Variants in NOL6 observed in about 807,000 individuals in gnomAD.
NOL6 encodes nucleolar protein 6, also known as nucleolar RNA-associated protein.
In NOL6, 33 loss-of-function variants were observed where a neutral mutation model predicts 131.7. The ratio of observed to expected loss-of-function variants is 0.25; its 90% CI spans 0.19 to 0.33. The LOEUF (loss-of-function observed/expected upper bound fraction) is 0.33. Ranked by LOEUF, NOL6 falls within the 10% of genes least tolerant of loss-of-function variation. The pLI is 1.00. For synonymous variants in NOL6, 580 were observed against 605.7 expected, an observed-to-expected ratio of 0.96 and a Z score of 0.62; for missense variants, 1,297 against 1,494.5, an observed-to-expected ratio of 0.87 and a Z score of 2.18.
At position 33,468,106 on chromosome 9, in the gene NOL6, T is replaced by G. The variant is rs749715553; in HGVS notation, c.1348A>C (p.Ser450Arg). 7 of 1,614,190 alleles carry G rather than the reference T, an allele frequency of 4.3e-6. No individual in the cohort carries two copies. The Admixed American group carries it at 1.2e-4, about 27-fold the overall frequency. Residue 450 changes from serine (S) to arginine (R), a missense_variant, in exon 11 of 26, where the codon AGC becomes CGC. By Grantham distance (110) the Ser-to-Arg change is moderately radical. Transcript: ENST00000297990. ...EARLSMMLLDSRADDGFHLLL... is the reference protein window; with the variant it reads ...EARLSMMLLDRRADDGFHLLL... ...AGGTGGAACCCGTCGTCAGCTCTGCTGTCCAGCAACATCATAGACAGCCGT... is the reference window on the plus strand; with the variant it reads ...AGGTGGAACCCGTCGTCAGCTCTGCGGTCCAGCAACATCATAGACAGCCGT...
Position 33,467,219 on chromosome 9 carries a change from C to T in NOL6, c.1769G>A (p.Arg590Gln), listed in dbSNP as rs374756474. Residue 590 changes from arginine to glutamine, a missense_variant, in exon 14 of 26, where the codon CGG (arginine) becomes CAG (glutamine). By Grantham distance (43) the Arg-to-Gln change is conservative (BLOSUM62 1). Coordinates refer to ENST00000297990, the MANE Select transcript of NOL6 (RefSeq NM_022917.5). The surrounding 1 kb of genome is among the most constrained non-coding windows in gnomAD (Gnocchi z 4.4). ...CCGAATGGCTCCGTCCTGGAAACGCCGAAGCTCCGAGCGGGATCCCCAGAA... is the reference window on the plus strand; with the variant it reads ...CCGAATGGCTCCGTCCTGGAAACGCTGAAGCTCCGAGCGGGATCCCCAGAA... ...RQFWGSRSEL[R>Q]RFQDGAIREA... 29 of 1,614,022 alleles carry T rather than the reference C, an allele frequency of 1.8e-5. No homozygotes were observed. The highest frequency in any genetic ancestry group is 3.3e-5 in the Admixed American group (2 of 60,000).
rs760650576 is a variant in NOL6 at position 33,464,172 on chromosome 9, G to C, written c.2780-11C>G. ...CCACCTGCTCCTCCACTAGAGACAA[G>C]AATGGGTCCTGGGTCAGCCTGCTCC... On this transcript the variant is annotated splice_polypyrimidine_tract_variant and intron_variant, in intron 21 of 25. Coordinates refer to ENST00000297990, the MANE Select transcript of NOL6 (RefSeq NM_022917.5). 5.1e-5 allele frequency: 81 copies of C among 1,600,504 alleles called. No homozygotes were observed. The highest frequency in any genetic ancestry group is 6.9e-5 in the Non-Finnish European group (81 of 1,173,398).
intron 4 of NOL6, 171 bp downstream of exon 4, chr9:33,469,841 C>G (rs751502576): frequency 7.9e-6 from 8 of 1,015,024 alleles, no homozygotes; most frequent in Non-Finnish European, 9.9e-6. Context: ...TCCAAAAGGA[C>G]AGCAACTGGC....
In NOL6 at chr9:33,466,954, A is replaced by G. The variant is rs78087543; in HGVS notation, c.1908T>C (p.Tyr636=). 8,640 of 1,614,158 alleles carry G rather than the reference A, an allele frequency of 5.4e-3. 117 individuals are homozygous for G. Among genetic ancestry groups the G allele is most frequent in the African/African-American group, 0.043 (3,212 of 75,030 alleles). The change falls in exon 15 of 26, where the codon TAT becomes TAC. Residue 636 remains tyrosine, a synonymous_variant. Transcript: ENST00000297990. ...TAAGTGCATCCAGGGGGCCCCCCAC[A>G]TAGTGGACACAGGTTTCTGGGATGT... The part of the protein sequence containing the change: ...HADIPETCVH[Y]VGGPLDALIQ...
chr9:33,472,865 C>T (rs199748327), intron 1 of NOL6, among the ~76,000 whole-genome samples: 5 of 150,064 alleles, frequency 3.3e-5, no homozygotes, highest in East Asian at 2.0e-4. Context: ...CTCAGCTACG[C>T]GGGAGACTGA....
Position 33,465,928 on chromosome 9 carries a change from T to C in NOL6, c.2365-31A>G, listed in dbSNP as rs112327202. On this transcript the variant is annotated intron_variant, in intron 18 of 25. Coordinates refer to ENST00000297990, the MANE Select transcript of NOL6 (RefSeq NM_022917.5). ...GGAAGAAGGTATGGAAAGAGAAGGA[T>C]GTGTCAGCCCAGAACCCCGGGAGTA... The C allele has an allele frequency of 2.3e-5, 37 of 1,606,384 alleles. No homozygotes were observed. The African/African-American group carries it at 4.4e-4, about 19-fold the overall frequency.
At position 33,465,882 on chromosome 9, in the gene NOL6, G is replaced by C; in HGVS notation, c.2380C>G (p.Arg794Gly). 1 of 1,613,838 alleles carries C rather than the reference G, an allele frequency of 6.2e-7. No individual in the cohort carries two copies. Among genetic ancestry groups the C allele is most frequent in the Non-Finnish European group, 8.5e-7 (1 of 1,179,802 alleles). The stretch of plus-strand genomic sequence containing the variant: ...TCCCGCTGATAGGCCACGCGAATCC[G>C]AAACACAAATCCATCCTGTTGGAAG... ...TDVLKDGFVF[R>G]IRVAYQREPQ... Residue 794 changes from arginine (R) to glycine (G), a missense_variant, in exon 19 of 26, where the codon CGG (arginine) becomes GGG (glycine). Coordinates refer to ENST00000297990, the MANE Select transcript of NOL6 (RefSeq NM_022917.5).
intron 3 of NOL6, 41 bp from the exon 4 acceptor site, chr9:33,470,232 C>T: frequency 6.8e-7 from 1 of 1,465,386 alleles, no homozygotes; most frequent in Non-Finnish European, 9.1e-7. Flanking sequence ...ATTCAACTGC[C>T]TTCCTCACAT....
chr9:33,465,775 T>C lies in NOL6; in HGVS notation c.2487A>G (p.Arg829=). Residue 829 remains arginine, a synonymous_variant, in exon 19 of 26, where the codon AGA becomes AGG. Transcript: ENST00000297990. ...RDTAASLRLE[R]DTRQLPLLTS... ...TGAGCAGTGGCAACTGCCTTGTGTCTCTCTCAAGGCGGAGGGAGGCAGCTG... is the reference window on the plus strand; with the variant it reads ...TGAGCAGTGGCAACTGCCTTGTGTCCCTCTCAAGGCGGAGGGAGGCAGCTG... 1.9e-6 allele frequency: 3 copies of C among 1,613,634 alleles called. No homozygotes were observed. Among genetic ancestry groups the C allele is most frequent in the Non-Finnish European group, 2.5e-6 (3 of 1,179,810 alleles).
At position 33,466,151 on chromosome 9, in the gene NOL6, G is replaced by C; in HGVS notation, c.2284C>G (p.Gln762Glu). 1 of 1,613,264 alleles carries C rather than the reference G, an allele frequency of 6.2e-7. No individual in the cohort carries two copies. Among genetic ancestry groups the C allele is most frequent in the South Asian group, 1.1e-5 (1 of 91,016 alleles). The change falls in exon 18 of 26, where the codon CAG (glutamine) becomes GAG (glutamate). Residue 762 changes from glutamine to glutamate, a missense_variant. Transcript: ENST00000297990. ...EAVQRVRAAF[Q>E]LRLAELLTQQ... Reference sequence around the variant, plus strand: ...GTCAACAGCTCTGCCAGGCGCAGCTGGAAGGCAGCTCGGACCCGCTGCACG... The same window carrying C: ...GTCAACAGCTCTGCCAGGCGCAGCTCGAAGGCAGCTCGGACCCGCTGCACG...
At chr9:33,470,824 T>A (rs891176701) in intron 3 of NOL6, 7 of 151,014 alleles carry the variant, frequency 4.6e-5, no homozygotes, top group African/African-American at 1.7e-4. Context: ...ATCACTTCAC[T>A]ACTTTCCTCC....
rs1587216377 is a variant in NOL6, at chr9:33,465,001, A to G, written c.2682-25T>C. The G allele has an allele frequency of 5.7e-6, 9 of 1,577,292 alleles. No individual in the cohort carries two copies. The East Asian group carries it at 2.0e-4, about 35-fold the overall frequency. ...ACTAAAGGGCTGGAGTAAGCAAAGA[A>G]TCCAGGGCCCAGCCACATATCCCCA... On this transcript the variant is annotated intron_variant, in intron 20 of 25. Transcript: ENST00000297990.
At chr9:33,471,187 C>T (rs1699032597) in intron 3 of NOL6, among the ~76,000 whole-genome samples, 1 of 152,206 alleles carries the variant, frequency 6.6e-6, no homozygotes, top group Non-Finnish European at 1.5e-5. Flanking sequence ...AGCTTGAACC[C>T]GAGAGGTGGA....
Position 33,468,500 on chromosome 9 carries a change from C to T in NOL6, c.1206+8G>A. The T allele has an allele frequency of 1.9e-6, 3 of 1,614,156 alleles. No individual in the cohort carries two copies. On this transcript the variant is annotated splice_region_variant and intron_variant, in intron 9 of 25. Transcript: ENST00000297990. ...TCCTGGCATAGACCTGGCCCTTCCC[C>T]AACTCACCAAAGAGGGATCTGAGCT...
In NOL6 at chr9:33,472,398, G is replaced by A. The variant is rs1188901430; in HGVS notation, c.69C>T (p.Ala23=). ...ATGEPEVMEP[A]LEGTGKEGKK... ...TCCCCTCTTTGCCTGTGCCTTCCAG[G>A]GCTGGTTCCATCACCTGTGGCCAGT... is the stretch of plus-strand genomic sequence containing the variant. Residue 23 remains alanine (A), a synonymous_variant, in exon 2 of 26, where the codon GCC becomes GCT. Coordinates refer to ENST00000297990, the MANE Select transcript of NOL6 (RefSeq NM_022917.5). 4 of 1,613,828 alleles carry A rather than the reference G, an allele frequency of 2.5e-6. No homozygotes were observed. Among genetic ancestry groups the A allele is most frequent in the Non-Finnish European group, 3.4e-6 (4 of 1,179,908 alleles).
At chr9:33,473,007 C>T (rs1424850844) in intron 1 of NOL6, among the ~76,000 whole-genome samples, 2 of 151,170 alleles carry the variant, frequency 1.3e-5, no homozygotes, top group African/African-American at 4.9e-5. Flanking sequence ...CTGAGCCCTG[C>T]CCTAAGTAAT....
In NOL6 at chr9:33,473,800, C is replaced by T. The variant is rs766767490; in HGVS notation, c.43G>A (p.Gly15Arg). 3 of 1,611,968 alleles carry T rather than the reference C, an allele frequency of 1.9e-6. No homozygotes were observed. Among genetic ancestry groups the T allele is most frequent in the South Asian group, 1.1e-5 (1 of 91,086 alleles). ...ATGGCTCAACCCACCTCTGGCTCTC[C>T]AGTCGCTCCGCGAAGCTGCTCTCCA... ...PAGEQLRGAT[G>R]EPEVMEPALE... Residue 15 changes from glycine to arginine, a missense_variant, in exon 1 of 26, where the codon GGA becomes AGA. Gly to Arg is a moderately radical substitution (Grantham distance 125). Transcript: ENST00000297990.
intron 3 of NOL6, 172 bp from the exon 4 acceptor site, chr9:33,470,363 C>A (rs1339875264): frequency 4.0e-6 from 2 of 502,018 alleles, no homozygotes; most frequent in African/African-American, 4.0e-5. Flanking sequence ...CAAGCCAAAA[C>A]CACTTAAATC....
At position 33,472,416 on chromosome 9, in the gene NOL6, T is replaced by G; in HGVS notation, c.55-4A>C. 6.2e-7 allele frequency: 1 copy of G among 1,612,646 alleles called. No homozygotes were observed. Among genetic ancestry groups the G allele is most frequent in the Admixed American group, 1.7e-5 (1 of 59,758 alleles). On this transcript the variant is annotated splice_polypyrimidine_tract_variant and splice_region_variant and intron_variant, in intron 1 of 25. Coordinates refer to ENST00000297990, the MANE Select transcript of NOL6 (RefSeq NM_022917.5). Reference sequence around the variant, plus strand: ...CTTCCAGGGCTGGTTCCATCACCTGTGGCCAGTGAGGGAGAAGCCATTTTG... The same window carrying G: ...CTTCCAGGGCTGGTTCCATCACCTGGGGCCAGTGAGGGAGAAGCCATTTTG...
Sources: gnomAD v4.1 joint callset for allele counts (sites outside exome capture counted in the v4.1 genomes callset) on GRCh38, gnomAD v4.1.1 for gene constraint, Gnocchi (gnomAD v3.1) non-coding constraint, MANE v1.5 for transcripts, NCBI Gene and HGNC (gene_info 2026-07-23, HGNC 2026-07-21) for gene names.